Variants in LHFPL5 observed in about 807,000 individuals in gnomAD.
LHFPL5 encodes LHFPL tetraspan subfamily member 5.
A neutral mutation model predicts 18.7 loss-of-function variants in LHFPL5; 12 were observed. The ratio of observed to expected loss-of-function variants is 0.64; its 90% CI spans 0.41 to 1.04. The LOEUF (loss-of-function observed/expected upper bound fraction) is 1.04. Among genes scored for constraint, LHFPL5 ranks in the 50% least tolerant of loss-of-function variants. LHFPL5 has a pLI of 0.00. For missense variants in LHFPL5, 259 were observed against 292.1 expected (o/e 0.89, Z 0.83); for synonymous variants, 111 against 120.2 (o/e 0.92, Z 0.50).
At chr6:35,816,208 C>T (rs1282438865) in intron 2 of LHFPL5, among the ~76,000 whole-genome samples, 6 of 145,462 alleles carry the variant, frequency 4.1e-5, no homozygotes, top group Admixed American at 1.4e-4. Context: ...TAGCTGGGTG[C>T]GGTGGCTCGC....
chr6:35,808,559 TTATACATATA>T (rs1480454531), intron 1 of LHFPL5, among the ~76,000 whole-genome samples: 1 of 84,076 alleles, frequency 1.2e-5, no homozygotes, highest in East Asian at 3.5e-4. Flanking sequence ...TATATTCATT[TTATACATATA>T]TATATATATA....
Position 35,823,384 on chromosome 6 carries a change from TATATACACAC to T in LHFPL5, c.*421_*430del, listed in dbSNP as rs1261993921. ...GTCTGATAGCATACACACACACATA[TATATACACAC>T]ACACACACACACACACACACACACA... On this transcript the variant is annotated 3_prime_UTR_variant, in exon 4 of 4. Transcript: ENST00000360215. 1 of 51,012 alleles carries T rather than the reference TATATACACAC, an allele frequency of 2.0e-5. No individual in the cohort carries two copies. The highest frequency in any genetic ancestry group is 8.7e-5 in the African/African-American group (1 of 11,558). 3.2% of individuals were successfully genotyped at this position (51,012 alleles called of 1,614,324 possible). A position where few individuals can be genotyped will look rare whatever the true frequency, so the allele number is the denominator to read the frequency against.
chr6:35,806,103 G>C (rs530377731), intron 1 of LHFPL5, 21 bp downstream of exon 1: 2 of 1,611,250 alleles, frequency 1.2e-6, no homozygotes, highest in Non-Finnish European at 1.7e-6. Context: ...ATGGTGGGAG[G>C]GCAGGCAGGG....
In LHFPL5 at chr6:35,823,030, A is replaced by T. The variant is rs1184048516; in HGVS notation, c.*65A>T. 4 of 152,154 alleles carry T rather than the reference A, an allele frequency of 2.6e-5. No individual in the cohort carries two copies. Among genetic ancestry groups the T allele is most frequent in the Non-Finnish European group, 4.4e-5 (3 of 68,038 alleles). The allele number at this position is 152,154 out of a possible 1,614,324, so 9.4% of individuals were successfully genotyped here. ...AAAACTAGGGAATCAAATTCTTCAGAGATAAGAACTTGTTCTTCCAAGTTT... is the reference window on the plus strand; with the variant it reads ...AAAACTAGGGAATCAAATTCTTCAGTGATAAGAACTTGTTCTTCCAAGTTT... On this transcript the variant is annotated 3_prime_UTR_variant, in exon 4 of 4. Transcript: ENST00000360215.
chr6:35,808,580 T>C (rs946918102), intron 1 of LHFPL5, among the ~76,000 whole-genome samples: 2 of 118,914 alleles, frequency 1.7e-5, no homozygotes, highest in African/African-American at 6.7e-5. Flanking sequence ...TATATATATA[T>C]ATATATATAT....
At position 35,814,169 on chromosome 6, in the gene LHFPL5, G is replaced by A. The variant is rs546728635; in HGVS notation, c.413-377G>A. ...GAAATGTACATCTCAGCAGTGATGA[G>A]TTCTTTGGGCTGGGACTAGATACCG... On this transcript the variant is annotated intron_variant, in intron 1 of 3. Coordinates refer to ENST00000360215, the MANE Select transcript of LHFPL5 (RefSeq NM_182548.4). This position sits in a 1 kb window ranked among gnomAD's most constrained non-coding sequence, Gnocchi z 4.2. Among the ~76,000 whole-genome samples the A allele has an allele frequency of 1.3e-5, 2 of 152,312 alleles. No homozygotes were observed. The highest frequency in any genetic ancestry group is 4.1e-4 in the South Asian group (2 of 4,828).
intron 2 of LHFPL5, among the ~76,000 whole-genome samples, chr6:35,817,091 G>A (rs1260529642): frequency 1.3e-5 from 2 of 152,156 alleles, no homozygotes; most frequent in South Asian, 2.1e-4. Context: ...TTGGGAGGCC[G>A]AGGTGGGTGG....
At chr6:35,819,318 TGCAAG>T in intron 2 of LHFPL5, 114 bp from the exon 3 acceptor site, 1 of 922,834 alleles carries the variant, frequency 1.1e-6, no homozygotes, top group Non-Finnish European at 1.8e-6. Context: ...AACAAAAAAG[TGCAAG>T]CTTTCTTGAG....
At chr6:35,822,055 TTTTG>T (rs372072175) in intron 3 of LHFPL5, among the ~76,000 whole-genome samples, 136 of 151,816 alleles carry the variant, frequency 9.0e-4, no homozygotes, top group African/African-American at 3.1e-3. Context: ...ATTTTGTTTT[TTTTG>T]TTTGTTTGTT....
At chr6:35,809,475 C>T (rs1768628329) in intron 1 of LHFPL5, among the ~76,000 whole-genome samples, 1 of 151,858 alleles carries the variant, frequency 6.6e-6, no homozygotes, top group Non-Finnish European at 1.5e-5. Flanking sequence ...CTCTGAGGTC[C>T]CTTTTATGTA....
intron 3 of LHFPL5, among the ~76,000 whole-genome samples, chr6:35,821,395 A>G (rs1768863376): frequency 6.6e-6 from 1 of 151,800 alleles, no homozygotes; most frequent in African/African-American, 2.4e-5. Context: ...TTTGGGTGAC[A>G]GGCTGCTCAA....
intron 3 of LHFPL5, chr6:35,819,751 C>CA (rs1230592940): frequency 1.8e-5 from 8 of 442,824 alleles, no homozygotes. Context: ...GATCTCGGCT[C>CA]ACTGCAACCT....
intron 2 of LHFPL5, among the ~76,000 whole-genome samples, chr6:35,816,005 A>G (rs1292815056): frequency 6.6e-6 from 1 of 152,136 alleles, no homozygotes. Flanking sequence ...CCCCATCTCT[A>G]CTAAAAATAC....
chr6:35,819,215 G>A (rs1455471734), intron 2 of LHFPL5, among the ~76,000 whole-genome samples: 1 of 152,180 alleles, frequency 6.6e-6, no homozygotes, highest in Non-Finnish European at 1.5e-5. Flanking sequence ...TTAGGCACTG[G>A]AAGTACAGTG....
At chr6:35,810,544 G>A (rs1405127948) in intron 1 of LHFPL5, among the ~76,000 whole-genome samples, 1 of 151,944 alleles carries the variant, frequency 6.6e-6, no homozygotes, top group Non-Finnish European at 1.5e-5. Context: ...GTGACACCCC[G>A]TGTTACAAAA....
intron 1 of LHFPL5, 130 bp downstream of exon 1, chr6:35,806,212 G>T (rs1246855414): frequency 1.1e-6 from 1 of 947,218 alleles, no homozygotes; most frequent in African/African-American, 1.6e-5. Context: ...GTCCTACTCA[G>T]TGCTCTGCAG....
chr6:35,820,443 G>A (rs1050760823), intron 3 of LHFPL5, among the ~76,000 whole-genome samples: 1 of 152,192 alleles, frequency 6.6e-6, no homozygotes, highest in Non-Finnish European at 1.5e-5. Context: ...ACTCACGCCT[G>A]TAATCCCAGC....
intron 1 of LHFPL5, among the ~76,000 whole-genome samples, chr6:35,808,240 C>T (rs1277981470): frequency 6.6e-6 from 1 of 151,016 alleles, no homozygotes; most frequent in Admixed American, 6.6e-5. Flanking sequence ...TGCTTGAGGC[C>T]AGAAGTTCAA....
intron 1 of LHFPL5, among the ~76,000 whole-genome samples, chr6:35,813,239 ATTTTT>A (rs35884324): frequency 5.3e-5 from 3 of 56,292 alleles, no homozygotes; most frequent in Non-Finnish European, 6.3e-5. Context: ...AGGAACTAGC[ATTTTT>A]TTTTTTTTTT....
Sources: gnomAD v4.1 joint callset for allele counts (sites outside exome capture counted in the v4.1 genomes callset) on GRCh38, gnomAD v4.1.1 for gene constraint, Gnocchi (gnomAD v3.1) non-coding constraint, MANE v1.5 for transcripts, NCBI Gene and HGNC (gene_info 2026-07-23, HGNC 2026-07-21) for gene names.